GRAP2: variants seen among roughly 807,000 people sequenced by gnomAD.
GRAP2 encodes GRB2 related adaptor protein 2.
A neutral mutation model predicts 43.5 loss-of-function variants in GRAP2; 31 were observed. The ratio of observed to expected loss-of-function variants is 0.71; its 90% CI spans 0.54 to 0.96. The LOEUF (loss-of-function observed/expected upper bound fraction) is 0.96. Ranked by LOEUF, GRAP2 falls within the 40% of genes least tolerant of loss-of-function variation. The pLI is 0.00. For synonymous variants in GRAP2, 156 were observed against 164.8 expected, an observed-to-expected ratio of 0.95 and a Z score of 0.41; for missense variants, 371 against 424.4, an observed-to-expected ratio of 0.87 and a Z score of 1.11.
intron 3 of GRAP2, among the ~76,000 whole-genome samples, chr22:39,956,884 G>C (rs1003029004): frequency 6.6e-6 from 1 of 152,152 alleles, no homozygotes; most frequent in Non-Finnish European, 1.5e-5. Flanking sequence ...TTCGGGAGCT[G>C]CTCTCCTAAG....
intron 1 of GRAP2, among the ~76,000 whole-genome samples, chr22:39,907,130 T>A (rs2066528704): frequency 6.6e-6 from 1 of 151,856 alleles, no homozygotes. Context: ...AAGAAAATTG[T>A]CTAAATCTAA....
intron 1 of GRAP2, among the ~76,000 whole-genome samples, chr22:39,919,045 G>C (rs1297341763): frequency 6.6e-6 from 1 of 152,120 alleles, no homozygotes; most frequent in African/African-American, 2.4e-5. Flanking sequence ...TTGGGGCCCA[G>C]GATAATCACT....
At chr22:39,951,152 T>C (rs569784851) in intron 2 of GRAP2, among the ~76,000 whole-genome samples, 1 of 152,318 alleles carries the variant, frequency 6.6e-6, no homozygotes, top group South Asian at 2.1e-4. Flanking sequence ...TAGATCAAGA[T>C]GGTGGACAGG....
At chr22:39,923,039 TA>T (rs71753877) in intron 1 of GRAP2, among the ~76,000 whole-genome samples, 3,848 of 140,272 alleles carry the variant, frequency 0.027, 59 homozygotes, top group East Asian at 0.046. Flanking sequence ...GAGATTCAGT[TA>T]AAAAAAAAAA....
rs111419959 is a variant in GRAP2 at position 39,939,773 on chromosome 22, G to T, written c.-14-7320G>T. Among the ~76,000 whole-genome samples the T allele has an allele frequency of 3.7e-3, 565 of 152,210 alleles. 2 individuals are homozygous for T. The highest frequency in any genetic ancestry group is 0.013 in the African/African-American group (549 of 41,524). The stretch of plus-strand genomic sequence containing the variant: ...AAAATATAAAAATTAGCGGACCGTG[G>T]TGGGCTGTACCTGTAATCTCAGCTA... On this transcript the variant is annotated intron_variant, in intron 1 of 7. Transcript: ENST00000344138.
chr22:39,948,429 A>C (rs1317262618), intron 2 of GRAP2: 1 of 151,980 alleles, frequency 6.6e-6, no homozygotes, highest in Admixed American at 6.6e-5. Context: ...CATCCACTGG[A>C]GACCATCCTT....
chr22:39,958,160 C>G (rs188445417), intron 3 of GRAP2, among the ~76,000 whole-genome samples: 24 of 152,214 alleles, frequency 1.6e-4, no homozygotes, highest in Middle Eastern at 6.8e-3. Flanking sequence ...ACACCTCTTT[C>G]ATTTTGGCTC....
chr22:39,900,423 G>T (rs1454463489), upstream of GRAP2, among the ~76,000 whole-genome samples: 1 of 152,194 alleles, frequency 6.6e-6, no homozygotes, highest in Admixed American at 6.5e-5. Context: ...CCATTTTCTA[G>T]CAAGAGCAAA....
At chr22:39,922,123 C>A (rs2066658093) in intron 1 of GRAP2, among the ~76,000 whole-genome samples, 2 of 152,158 alleles carry the variant, frequency 1.3e-5, no homozygotes, top group South Asian at 4.1e-4. Context: ...AGAGGCTGGG[C>A]TATGCTGTAA....
At chr22:39,921,007 T>C (rs984518066) in intron 1 of GRAP2, among the ~76,000 whole-genome samples, 1 of 149,988 alleles carries the variant, frequency 6.7e-6, no homozygotes. Context: ...TGTAACGACC[T>C]CAAGAGAGCT....
At chr22:39,959,737 G>A (rs979767851) in intron 3 of GRAP2, among the ~76,000 whole-genome samples, 12 of 152,186 alleles carry the variant, frequency 7.9e-5, no homozygotes, top group African/African-American at 2.9e-4. Context: ...CCGGCAGGCG[G>A]CTGCTTCCTG....
chr22:39,964,648 T>A (rs2067153205), intron 4 of GRAP2: 1 of 607,948 alleles, frequency 1.6e-6, no homozygotes, highest in African/African-American at 1.9e-5. Context: ...CTATAATATC[T>A]TTTGCCACCT....
intron 6 of GRAP2, 91 bp downstream of exon 6, chr22:39,968,363 A>G: frequency 6.8e-7 from 1 of 1,481,128 alleles, no homozygotes; most frequent in Non-Finnish European, 9.2e-7. Flanking sequence ...GTTCTCAGAG[A>G]GTTCATGATG....
At chr22:39,908,384 C>G (rs2066537040) in intron 1 of GRAP2, among the ~76,000 whole-genome samples, 1 of 152,168 alleles carries the variant, frequency 6.6e-6, no homozygotes, top group Admixed American at 6.5e-5. Flanking sequence ...CTGTCCACAT[C>G]AATTATACTC....
intron 1 of GRAP2, among the ~76,000 whole-genome samples, chr22:39,906,736 C>T (rs540059604): frequency 1.5e-4 from 23 of 152,112 alleles, no homozygotes; most frequent in Non-Finnish European, 3.2e-4. Flanking sequence ...CTTAATGTGT[C>T]GGCCTACAAA....
chr22:39,966,225 C>T lies in GRAP2; in HGVS notation c.459+67C>T, dbSNP rs1202400050. The T allele has an allele frequency of 3.8e-6, 5 of 1,300,642 alleles. No homozygotes were observed. In the East Asian group the frequency reaches 6.9e-5, roughly 18 times the overall value. 80.6% of individuals were successfully genotyped at this position (1,300,642 alleles called of 1,614,324 possible). On this transcript the variant is annotated intron_variant, in intron 5 of 7. Coordinates refer to ENST00000344138, the MANE Select transcript of GRAP2 (RefSeq NM_004810.4). ...GCAGCCTGAGTTCTCACATGAACCA[C>T]CAGGAAAAATGCATAGGATGGGTAG... is the stretch of plus-strand genomic sequence containing the variant.
intron 4 of GRAP2, among the ~76,000 whole-genome samples, chr22:39,964,945 C>CTAG (rs2067157263): frequency 6.6e-6 from 1 of 152,202 alleles, no homozygotes; most frequent in Non-Finnish European, 1.5e-5. Context: ...GCCAAGCTCA[C>CTAG]TAGACTGGAG....
chr22:39,906,162 G>A (rs376772460), intron 1 of GRAP2, among the ~76,000 whole-genome samples: 1 of 152,112 alleles, frequency 6.6e-6, no homozygotes. Flanking sequence ...GGTGGAAGAT[G>A]ATATTTTGAT....
At chr22:39,951,846 G>T in intron 2 of GRAP2, among the ~76,000 whole-genome samples, 1 of 151,986 alleles carries the variant, frequency 6.6e-6, no homozygotes, top group East Asian at 1.9e-4. Flanking sequence ...ATGGTAAAGA[G>T]CCTGCAAATT....
Sources: gnomAD v4.1 joint callset for allele counts (sites outside exome capture counted in the v4.1 genomes callset) on GRCh38, gnomAD v4.1.1 for gene constraint, MANE v1.5 for transcripts, NCBI Gene and HGNC (gene_info 2026-07-23, HGNC 2026-07-21) for gene names.